CROCC: variants seen among roughly 807,000 people sequenced by gnomAD.
The protein encoded by CROCC is rootletin.
A neutral mutation model predicts 245.2 loss-of-function variants in CROCC; 180 were observed. The ratio of observed to expected loss-of-function variants is 0.73; its 90% CI spans 0.65 to 0.83. The LOEUF is 0.83. Ranked by LOEUF, CROCC falls within the 40% of genes least tolerant of loss-of-function variation. CROCC has a pLI of 0.00. For missense variants in CROCC, 2,688 were observed against 2,779.4 expected (o/e 0.97, Z 0.74); for synonymous variants, 1,205 against 1,241.6 (o/e 0.97, Z 0.62).
chr1:16,932,209 C>T (rs1201093154), intron 8 of CROCC, among the ~76,000 whole-genome samples: 1 of 152,346 alleles, frequency 6.6e-6, no homozygotes, highest in African/African-American at 2.4e-5. Context: ...TTGAGGAGGC[C>T]GAGGCGGGTG....
chr1:16,961,276 C>G, intron 27 of CROCC, 146 bp downstream of exon 27: 1 of 812,106 alleles, frequency 1.2e-6, no homozygotes, highest in Non-Finnish European at 1.6e-6. Context: ...CACTTCTTAG[C>G]CCCGTCCCCT....
chr1:16,940,903 G>C (rs757670329), intron 13 of CROCC: 2 of 424,208 alleles, frequency 4.7e-6, no homozygotes, highest in Non-Finnish European at 9.5e-6. Flanking sequence ...ATATGGGACC[G>C]AAGCCTGAGA....
chr1:16,948,491 G>A lies in CROCC; in HGVS notation c.2675G>A (p.Gly892Asp). The A allele has an allele frequency of 2.6e-6, 4 of 1,551,538 alleles. No homozygotes were observed. Among genetic ancestry groups the A allele is most frequent in the South Asian group, 2.4e-5 (2 of 84,058 alleles). ...AVQLVAAEREGRTLSEEATRL... is the reference protein window; with the variant it reads ...AVQLVAAEREDRTLSEEATRL... ...CAGCTGGTGGCTGCGGAGCGTGAAG[G>A]CAGGACCCTGTCAGAGGAGGCCACA... Residue 892 changes from glycine (G) to aspartate (D), a missense_variant, in exon 18 of 37, where the codon GGC (glycine) becomes GAC (aspartate). This residue lies in a region of CROCC where 26 missense variants were observed against 40.3 expected (regional missense o/e 0.64). Coordinates refer to ENST00000375541, the MANE Select transcript of CROCC (RefSeq NM_014675.5).
intron 27 of CROCC, among the ~76,000 whole-genome samples, chr1:16,963,356 C>G (rs968311770): frequency 6.6e-6 from 1 of 151,738 alleles, no homozygotes; most frequent in African/African-American, 2.4e-5. Context: ...GTGCGCCTGT[C>G]CTGTGGACAG....
chr1:16,966,207 G>T lies in CROCC; in HGVS notation c.4696+88G>T. 6.5e-7 allele frequency: 1 copy of T among 1,527,160 alleles called. No individual in the cohort carries two copies. The highest frequency in any genetic ancestry group is 8.8e-7 in the Non-Finnish European group (1 of 1,133,514). The allele number at this position is 1,527,160 out of a possible 1,614,324, so 94.6% of individuals were successfully genotyped here. On this transcript the variant is annotated intron_variant, in intron 29 of 36. Coordinates refer to ENST00000375541, the MANE Select transcript of CROCC (RefSeq NM_014675.5). This position sits in a 1 kb window ranked among gnomAD's most constrained non-coding sequence, Gnocchi z 4.8. ...CGGGGGATTGGCCTCTGACCTTGCC[G>T]TGGCCCCCATGACCTGACTCGGGGC...
chr1:16,950,971 G>A lies in CROCC; in HGVS notation c.2855G>A (p.Arg952Gln), dbSNP rs768170307. 1.2e-5 allele frequency: 19 copies of A among 1,565,166 alleles called. No individual in the cohort carries two copies. The highest frequency in any genetic ancestry group is 5.8e-5 in the Admixed American group (3 of 51,542). Residue 952 changes from arginine to glutamine, a missense_variant, in exon 20 of 37, where the codon CGG becomes CAG. Coordinates refer to ENST00000375541, the MANE Select transcript of CROCC (RefSeq NM_014675.5). ...CGTGCAGGGGAGTTGGCGGGCCTGC[G>A]GCAGCAAATAATAGCTACACAGGAG... ...ETLTGELAGLRQQIIATQEKA... is the reference protein window; with the variant it reads ...ETLTGELAGLQQQIIATQEKA...
chr1:16,920,573 T>C (rs1261507166), upstream of CROCC, among the ~76,000 whole-genome samples: 1 of 152,258 alleles, frequency 6.6e-6, no homozygotes, highest in Non-Finnish European at 1.5e-5. Context: ...TTGAACACCA[T>C]AGTTGCAAGT....
At chr1:16,925,515 T>C (rs1227790485) in intron 3 of CROCC, among the ~76,000 whole-genome samples, 1 of 152,266 alleles carries the variant, frequency 6.6e-6, no homozygotes, top group South Asian at 2.1e-4. Context: ...ATTTCCTGTG[T>C]ATGGGAAGAG....
chr1:16,972,234 G>C (rs180873780), intron 36 of CROCC, 126 bp from the exon 37 acceptor site: 1,356 of 779,926 alleles, frequency 1.7e-3, no homozygotes, highest in Non-Finnish European at 2.8e-3. Flanking sequence ...GACAGCCCCT[G>C]GCTCTCAGTG....
At chr1:16,934,726 C>G (rs1440888393) in intron 8 of CROCC, among the ~76,000 whole-genome samples, 1 of 152,258 alleles carries the variant, frequency 6.6e-6, no homozygotes, top group Non-Finnish European at 1.5e-5. Context: ...ATGGCTCCCT[C>G]TCACCTCTGA....
chr1:16,961,646 T>G (rs2076336573), intron 27 of CROCC, among the ~76,000 whole-genome samples: 1 of 152,174 alleles, frequency 6.6e-6, no homozygotes, highest in South Asian at 2.1e-4. Flanking sequence ...CTCTGTCACC[T>G]CAGTTGAAGT....
chr1:16,935,864 C>T (rs1300586378), intron 8 of CROCC, among the ~76,000 whole-genome samples: 1 of 152,264 alleles, frequency 6.6e-6, no homozygotes, highest in Non-Finnish European at 1.5e-5. Context: ...ACCTCCTTGT[C>T]CACAAGCCAT....
At position 16,922,708 on chromosome 1, in the gene CROCC, C is replaced by A. The variant is rs138804532; in HGVS notation, c.106C>A (p.Arg36=). ...VLCQEKGLGA[R]DLAQDAQITS... ...GTGCCAGGAGAAAGGCTTGGGCGCG[C>A]GGGACCTGGCCCAGGACGCTCAGAT... The change falls in exon 2 of 37, where the codon CGG becomes AGG. Residue 36 remains arginine (R), a synonymous_variant. Transcript: ENST00000375541. The A allele has an allele frequency of 1.9e-6, 3 of 1,613,702 alleles. No individual in the cohort carries two copies. The highest frequency in any genetic ancestry group is 2.2e-5 in the South Asian group (2 of 91,046).
In CROCC at chr1:16,946,752, G is replaced by A. The variant is rs1007967120; in HGVS notation, c.2284-9G>A. On this transcript the variant is annotated splice_polypyrimidine_tract_variant and intron_variant, in intron 16 of 36. Transcript: ENST00000375541. ...TGCTCACGAGGCCCCACTCCTACCTGGCCTCCAGCTGGAGGAAGAAAAGTC... is the reference window on the plus strand; with the variant it reads ...TGCTCACGAGGCCCCACTCCTACCTAGCCTCCAGCTGGAGGAAGAAAAGTC... The A allele has an allele frequency of 1.9e-6, 3 of 1,550,700 alleles. No individual in the cohort carries two copies. Among genetic ancestry groups the A allele is most frequent in the Non-Finnish European group, 1.7e-6 (2 of 1,146,532 alleles).
At position 16,915,656 on chromosome 1, in the gene CROCC, AAGG is replaced by A. The variant is rs1194144793; in HGVS notation, n.126-14624_126-14622del. Among the ~76,000 whole-genome samples the A allele has an allele frequency of 2.8e-3, 121 of 42,852 alleles. No individual in the cohort carries two copies. In the South Asian group the frequency reaches 0.038, roughly 14 times the overall value. The allele number at this position is 42,852 out of a possible 152,430, so 28.1% of individuals were successfully genotyped here. A position where few individuals can be genotyped will look rare whatever the true frequency, so the allele number is the denominator to read the frequency against. On this transcript the variant is annotated intron_variant and non_coding_transcript_variant, in intron 1 of 8. Transcript: ENST00000466256. The stretch of plus-strand genomic sequence containing the variant: ...CCTTGTCTCAAAGAAAAAAAAAAAA[AAGG>A]AGGAGACAGACAACATACATGTTGG...
chr1:16,929,508 C>A (rs112644715), intron 3 of CROCC, among the ~76,000 whole-genome samples: 1 of 152,278 alleles, frequency 6.6e-6, no homozygotes, highest in African/African-American at 2.4e-5. Flanking sequence ...TAAACAGAAA[C>A]CACGACAGGG....
Position 16,966,211 on chromosome 1 carries a change from C to A in CROCC, c.4696+92C>A. On this transcript the variant is annotated intron_variant, in intron 29 of 36. Transcript: ENST00000375541. The surrounding 1 kb of genome is among the most constrained non-coding windows in gnomAD (Gnocchi z 4.8). The stretch of plus-strand genomic sequence containing the variant: ...GGATTGGCCTCTGACCTTGCCGTGG[C>A]CCCCATGACCTGACTCGGGGCTGTC... 6.6e-7 allele frequency: 1 copy of A among 1,517,374 alleles called. No individual in the cohort carries two copies. The highest frequency in any genetic ancestry group is 8.9e-7 in the Non-Finnish European group (1 of 1,128,318). The allele number at this position is 1,517,374 out of a possible 1,614,324, so 94.0% of individuals were successfully genotyped here. A position where few individuals can be genotyped will look rare whatever the true frequency, so the allele number is the denominator to read the frequency against.
chr1:16,923,597 T>TCC (rs1214711529), intron 2 of CROCC, among the ~76,000 whole-genome samples: 1 of 152,066 alleles, frequency 6.6e-6, no homozygotes, highest in Non-Finnish European at 1.5e-5. Context: ...AGCCCTAGCC[T>TCC]TTAAAGTTCC....
chr1:16,972,457 G>T lies in CROCC; in HGVS notation c.*11G>T. 1 of 1,608,230 alleles carries T rather than the reference G, an allele frequency of 6.2e-7. No individual in the cohort carries two copies. The highest frequency in any genetic ancestry group is 1.1e-5 in the South Asian group (1 of 90,560). ...CCCCCAGAGAAATGAGCTCCTGCTG[G>T]CATCTGGAGAACACCCCTGTGCCTG... is the stretch of plus-strand genomic sequence containing the variant. On this transcript the variant is annotated 3_prime_UTR_variant, in exon 37 of 37. Coordinates refer to ENST00000375541, the MANE Select transcript of CROCC (RefSeq NM_014675.5).
Sources: gnomAD v4.1 joint callset for allele counts (sites outside exome capture counted in the v4.1 genomes callset) on GRCh38, gnomAD v4.1.1 for gene constraint, gnomAD v4.1.1 regional missense constraint, Gnocchi (gnomAD v3.1) non-coding constraint, MANE v1.5 for transcripts, NCBI Gene and HGNC (gene_info 2026-07-23, HGNC 2026-07-21) for gene names.